INSL6: variants seen among roughly 807,000 people sequenced by gnomAD.
INSL6 encodes insulin like 6, also known as insulin-like peptide INSL6.
Under a neutral mutation model 9.4 loss-of-function variants are expected in INSL6, and 16 were observed. That is an observed-to-expected ratio of 1.70 (90% confidence interval 1.15 to 2.59). The LOEUF is 2.59. Among genes scored for constraint, INSL6 ranks in the 30% most tolerant of loss-of-function variants. The probability of loss-of-function intolerance (pLI) is 0.00; values close to 1 mark genes in which losing one functional copy is unlikely to be tolerated. For synonymous variants in INSL6, 154 were observed against 96.9 expected (o/e 1.59, Z -3.46); for missense variants, 391 against 257.3 (o/e 1.52, Z -3.56).
chr9:5,064,768 G>C, the INSL6 span: 173 of 691,278 alleles, frequency 2.5e-4, no homozygotes, highest in African/African-American at 1.4e-3. Flanking sequence ...AGCCATAAAA[G>C]ATATGAGCAA....
At chr9:5,070,560 T>A in the INSL6 span, among the ~76,000 whole-genome samples, 1 of 152,116 alleles carries the variant, frequency 6.6e-6, no homozygotes, top group Non-Finnish European at 1.5e-5. Context: ...TTTCTTTTTT[T>A]AAATAACTAA....
the INSL6 span, chr9:5,041,189 C>G: frequency 7.2e-7 from 1 of 1,398,564 alleles, no homozygotes; most frequent in Non-Finnish European, 1.0e-6. Context: ...CCTCATTTAC[C>G]AGGACGTGAA....
chr9:5,049,204 T>C, the INSL6 span, among the ~76,000 whole-genome samples: 1 of 152,242 alleles, frequency 6.6e-6, no homozygotes, highest in Non-Finnish European at 1.5e-5. Flanking sequence ...CACTTTATTT[T>C]CTTCAAGCAC....
At chr9:5,081,247 G>A in the INSL6 span, among the ~76,000 whole-genome samples, 5 of 125,842 alleles carry the variant, frequency 4.0e-5, no homozygotes, top group Non-Finnish European at 8.0e-5. Flanking sequence ...TTAGTGAGTT[G>A]TAAATTATAG....
At chr9:5,004,577 G>C in the INSL6 span, among the ~76,000 whole-genome samples, 1 of 152,112 alleles carries the variant, frequency 6.6e-6, no homozygotes, top group African/African-American at 2.4e-5. Flanking sequence ...TGGCTATTAA[G>C]AATAATGCTG....
the INSL6 span, chr9:5,021,938 G>A: frequency 2.8e-6 from 4 of 1,414,320 alleles, no homozygotes; most frequent in Non-Finnish European, 4.0e-6. Flanking sequence ...CAGCCCATTT[G>A]TAACTTTATT....
chr9:5,040,952 A>G, the INSL6 span: 1 of 474,270 alleles, frequency 2.1e-6, no homozygotes. Context: ...CAAGGAAAGA[A>G]TCTCTATACA....
At chr9:5,062,591 C>G in the INSL6 span, among the ~76,000 whole-genome samples, 1 of 141,648 alleles carries the variant, frequency 7.1e-6, no homozygotes, top group South Asian at 2.4e-4. Context: ...GTCTGTATAT[C>G]AATAAGAGGG....
the INSL6 span, chr9:5,097,612 A>C: frequency 6.6e-6 from 1 of 150,772 alleles, no homozygotes; most frequent in Non-Finnish European, 1.5e-5. Flanking sequence ...GCCTACTGGC[A>C]TCAAGGTCTT....
chr9:5,091,448 A>G, the INSL6 span: 1 of 152,326 alleles, frequency 6.6e-6, no homozygotes, highest in Non-Finnish European at 1.5e-5. Context: ...GTTGATTTTA[A>G]TAGCATAGGG....
intron 3 of INSL6, among the ~76,000 whole-genome samples, chr9:5,130,451 G>C (rs1404988877): frequency 6.6e-6 from 1 of 152,144 alleles, no homozygotes; most frequent in African/African-American, 2.4e-5. Flanking sequence ...AGAGACAACA[G>C]GCAGCTAAGA....
chr9:4,996,612 T>A, the INSL6 span, among the ~76,000 whole-genome samples: 1 of 152,074 alleles, frequency 6.6e-6, no homozygotes, highest in African/African-American at 2.4e-5. Flanking sequence ...ATAGTTTTCA[T>A]TGCATCAGAT....
the INSL6 span, among the ~76,000 whole-genome samples, chr9:5,023,911 G>C: frequency 6.6e-6 from 1 of 150,940 alleles, no homozygotes; most frequent in Non-Finnish European, 1.5e-5. Flanking sequence ...TAGCTTTTAA[G>C]ATTTTTTAGC....
the INSL6 span, chr9:5,029,914 C>G: frequency 1.7e-4 from 268 of 1,572,294 alleles, no homozygotes; most frequent in Non-Finnish European, 2.2e-4. Context: ...AAGGTACTTT[C>G]TTCAGTAAAG....
At chr9:5,055,028 A>C in the INSL6 span, 6 of 526,810 alleles carry the variant, frequency 1.1e-5, no homozygotes, top group African/African-American at 9.6e-5. Context: ...GAACCTATCA[A>C]GGTCATATAA....
intron 2 of INSL6, among the ~76,000 whole-genome samples, chr9:5,143,560 T>C (rs1234596159): frequency 6.6e-6 from 1 of 152,150 alleles, no homozygotes; most frequent in African/African-American, 2.4e-5. Flanking sequence ...TGATAGTGCA[T>C]ATTTGAATTT....
At chr9:4,997,720 T>C in the INSL6 span, among the ~76,000 whole-genome samples, 8 of 152,180 alleles carry the variant, frequency 5.3e-5, no homozygotes, top group Non-Finnish European at 1.2e-4. Flanking sequence ...AGGTTTGATA[T>C]GGAAAGATTC....
chr9:5,166,818 A>G (rs1406354923), intron 1 of INSL6, among the ~76,000 whole-genome samples: 1 of 152,230 alleles, frequency 6.6e-6, no homozygotes, highest in Non-Finnish European at 1.5e-5. Flanking sequence ...CTTTATTCCA[A>G]AACTAGGTAA....
the INSL6 span, among the ~76,000 whole-genome samples, chr9:5,036,175 T>C: frequency 5.3e-5 from 8 of 152,162 alleles, no homozygotes; most frequent in Non-Finnish European, 1.2e-4. Flanking sequence ...ACAAGGGATG[T>C]GAAGGACCTC....
Sources: gnomAD v4.1 joint callset for allele counts (sites outside exome capture counted in the v4.1 genomes callset) on GRCh38, gnomAD v4.1.1 for gene constraint, MANE v1.5 for transcripts, NCBI Gene and HGNC (gene_info 2026-07-23, HGNC 2026-07-21) for gene names.